The following IFT52 variants were observed in gnomAD, a reference collection of about 807,000 sequenced individuals.
IFT52 encodes the protein intraflagellar transport 52, also known as intraflagellar transport protein 52 homolog.
IFT52 carries 44 observed loss-of-function variants against 54.4 expected under a neutral mutation model. The observed-to-expected ratio is 0.81, with a 90% CI of 0.63 to 1.04. The LOEUF (loss-of-function observed/expected upper bound fraction) is 1.04, where lower values mean the gene tolerates loss of function less well. IFT52 is among the 50% of genes least tolerant of loss of function. IFT52 has a pLI of 0.00. For missense variants in IFT52, 452 were observed against 523.6 expected (o/e 0.86, Z 1.33); for synonymous variants, 181 against 185.3 (o/e 0.98, Z 0.19).
At chr20:43,599,798 T>A (rs1469088229) in intron 3 of IFT52, among the ~76,000 whole-genome samples, 1 of 152,164 alleles carries the variant, frequency 6.6e-6, no homozygotes, top group Non-Finnish European at 1.5e-5. Context: ...CTCAACTACA[T>A]TGACGCATTA....
At chr20:43,597,868 T>G (rs1982106774) in intron 3 of IFT52, among the ~76,000 whole-genome samples, 2 of 121,418 alleles carry the variant, frequency 1.6e-5, no homozygotes, top group African/African-American at 3.2e-5. Flanking sequence ...ACTCCAGCGT[T>G]GGCAACAGAG....
intron 10 of IFT52, among the ~76,000 whole-genome samples, chr20:43,630,213 A>G (rs1304427028): frequency 6.6e-6 from 1 of 152,204 alleles, no homozygotes; most frequent in Non-Finnish European, 1.5e-5. Flanking sequence ...AGAATAAAAA[A>G]AGATACATCT....
intron 12 of IFT52, among the ~76,000 whole-genome samples, chr20:43,638,248 T>C (rs1466385496): frequency 1.3e-5 from 2 of 151,916 alleles, no homozygotes; most frequent in South Asian, 2.1e-4. Flanking sequence ...TTGGGTGCAA[T>C]AGTGCTATCT....
chr20:43,592,181 A>G (rs1981578741), intron 1 of IFT52, among the ~76,000 whole-genome samples: 1 of 151,978 alleles, frequency 6.6e-6, no homozygotes, highest in African/African-American at 2.4e-5. Flanking sequence ...CTGGTGAAAC[A>G]CCGTCTCTAC....
chr20:43,614,083 C>A, intron 7 of IFT52, 107 bp downstream of exon 7: 1 of 945,676 alleles, frequency 1.1e-6, no homozygotes, highest in Non-Finnish European at 1.6e-6. Flanking sequence ...CACTGGTCTT[C>A]CTGCCAGTCC....
Position 43,594,777 on chromosome 20 carries a change from T to TC in IFT52, c.81dup (p.Met28HisfsTer8), listed in dbSNP as rs747004115. On this transcript the variant is annotated frameshift_variant, in exon 2 of 14. Coordinates refer to ENST00000373030, the MANE Select transcript of IFT52 (RefSeq NM_016004.5). LOFTEE classifies it high-confidence loss of function. ...ATTTACCACCAACAATGGCTACAAA[T>TC]CCATGCAGAAAAAACTTCGGAGTAA... 5.0e-6 allele frequency: 8 copies of TC among 1,612,466 alleles called. No homozygotes were observed. The highest frequency in any genetic ancestry group is 6.8e-6 in the Non-Finnish European group (8 of 1,178,526).
rs1600524733 is a variant in IFT52 at position 43,644,482 on chromosome 20, A to T, written c.1266+1858A>T. Among the ~76,000 whole-genome samples, 2 of 59,180 alleles carry T rather than the reference A, an allele frequency of 3.4e-5. 1 individual carries two copies. Among genetic ancestry groups the T allele is most frequent in the Admixed American group, 3.9e-4 (2 of 5,150 alleles). The allele number at this position is 59,180 out of a possible 152,430, so 38.8% of individuals were successfully genotyped here. A position where few individuals can be genotyped will look rare whatever the true frequency, so the allele number is the denominator to read the frequency against. On this transcript the variant is annotated intron_variant, in intron 13 of 13. Coordinates refer to ENST00000373030, the MANE Select transcript of IFT52 (RefSeq NM_016004.5). ...CTAGGGTACATCCATAAGATAAAAA[A>T]TGTTTTTAAAAATGTTTGGCCAGGA... is the stretch of plus-strand genomic sequence containing the variant.
At chr20:43,594,488 A>G (rs1981775682) in intron 1 of IFT52, among the ~76,000 whole-genome samples, 1 of 151,918 alleles carries the variant, frequency 6.6e-6, no homozygotes, top group African/African-American at 2.4e-5. Context: ...CGGGTAGGGG[A>G]GGGCTGGGTT....
intron 2 of IFT52, 22 bp from the exon 3 acceptor site, chr20:43,596,413 G>A (rs1348195777): frequency 6.9e-7 from 1 of 1,458,516 alleles, no homozygotes; most frequent in Non-Finnish European, 9.5e-7. Flanking sequence ...CTTCATATTT[G>A]CTTTTAAAAT....
chr20:43,614,726 C>T (rs1983726435), intron 7 of IFT52, among the ~76,000 whole-genome samples: 1 of 151,676 alleles, frequency 6.6e-6, no homozygotes, highest in Non-Finnish European at 1.5e-5. Flanking sequence ...ACTATTTTTC[C>T]AGTTATTATC....
chr20:43,641,257 T>C (rs1985903378), intron 12 of IFT52, among the ~76,000 whole-genome samples: 1 of 152,072 alleles, frequency 6.6e-6, no homozygotes, highest in African/African-American at 2.4e-5. Flanking sequence ...ATTTTGCTCT[T>C]GTTGCCCAGG....
At chr20:43,613,329 G>A (rs749488392) in intron 6 of IFT52, among the ~76,000 whole-genome samples, 8 of 152,064 alleles carry the variant, frequency 5.3e-5, no homozygotes, top group Non-Finnish European at 1.2e-4. Context: ...CTCCATCAGG[G>A]GCTTCTTTAG....
At chr20:43,599,552 TC>T (rs557590396) in intron 3 of IFT52, among the ~76,000 whole-genome samples, 241 of 152,224 alleles carry the variant, frequency 1.6e-3, no homozygotes, top group African/African-American at 5.2e-3. Context: ...TAGCTTTTTT[TC>T]TAGGAATCAG....
intron 9 of IFT52, 41 bp from the exon 10 acceptor site, chr20:43,623,850 T>C (rs1984519188): frequency 1.3e-6 from 2 of 1,597,378 alleles, no homozygotes; most frequent in Admixed American, 3.5e-5. Flanking sequence ...AATAAATGCT[T>C]GCTCTTGCTG....
intron 9 of IFT52, among the ~76,000 whole-genome samples, chr20:43,622,182 G>A (rs143778997): frequency 2.2e-4 from 33 of 152,312 alleles, no homozygotes; most frequent in African/African-American, 6.7e-4. Flanking sequence ...CCCTCACTAG[G>A]GACATGGCTT....
At position 43,636,116 on chromosome 20, in the gene IFT52, C is replaced by T. The variant is rs1007843880; in HGVS notation, c.1011+103C>T. 11 of 1,065,622 alleles carry T rather than the reference C, an allele frequency of 1.0e-5. 1 individual carries two copies. Among genetic ancestry groups the T allele is most frequent in the East Asian group, 2.4e-5 (1 of 40,826 alleles). 66.0% of individuals were successfully genotyped at this position (1,065,622 alleles called of 1,614,324 possible). A position where few individuals can be genotyped will look rare whatever the true frequency, so the allele number is the denominator to read the frequency against. On this transcript the variant is annotated intron_variant, in intron 11 of 13. Coordinates refer to ENST00000373030, the MANE Select transcript of IFT52 (RefSeq NM_016004.5). ...TCCCTTCCATGTGCCATTTGTGGCA[C>T]TCCTTGTGGAGTCATAGTGCTCTGT... is the stretch of plus-strand genomic sequence containing the variant.
chr20:43,632,114 G>A (rs1475344573), intron 10 of IFT52, among the ~76,000 whole-genome samples: 2 of 151,326 alleles, frequency 1.3e-5, no homozygotes, highest in South Asian at 2.1e-4. Flanking sequence ...TAGTAGAGAC[G>A]GGGTTTCTCC....
rs184241676 is a variant in IFT52 at position 43,645,975 on chromosome 20, C to T, written c.1267-961C>T. ...CTGTAATCCCAGCACTTTGGGAGGC[C>T]GAGGCAGGAGGATCATGAGGTCAGG... On this transcript the variant is annotated intron_variant, in intron 13 of 13. Coordinates refer to ENST00000373030, the MANE Select transcript of IFT52 (RefSeq NM_016004.5). Among the ~76,000 whole-genome samples the T allele has an allele frequency of 3.9e-3, 573 of 148,078 alleles. 64 individuals are homozygous for T. Among genetic ancestry groups the T allele is most frequent in the African/African-American group, 0.014 (542 of 40,116 alleles).
chr20:43,633,408 A>G (rs370795375), intron 10 of IFT52, among the ~76,000 whole-genome samples: 3 of 151,254 alleles, frequency 2.0e-5, no homozygotes, highest in South Asian at 2.1e-4. Context: ...GTAATCCACT[A>G]TGATTAAGAC....
Sources: gnomAD v4.1 joint callset for allele counts (sites outside exome capture counted in the v4.1 genomes callset) on GRCh38, gnomAD v4.1.1 for gene constraint, MANE v1.5 for transcripts, NCBI Gene and HGNC (gene_info 2026-07-23, HGNC 2026-07-21) for gene names.